Variants in SLC38A8 observed in about 807,000 individuals in gnomAD.
The protein encoded by SLC38A8 is solute carrier family 38 member 8, also known as amino acid transporter SLC38A8.
SLC38A8 carries 65 observed loss-of-function variants against 46.0 expected under a neutral mutation model. The ratio of observed to expected loss-of-function variants is 1.41; its 90% CI spans 1.16 to 1.74. SLC38A8 has a LOEUF of 1.74. SLC38A8 is among the 40% of genes most tolerant of loss of function. The probability of loss-of-function intolerance (pLI) is 0.00; values close to 1 mark genes in which losing one functional copy is unlikely to be tolerated. For synonymous variants in SLC38A8, 447 were observed against 243.7 expected (o/e 1.83, Z -7.77); for missense variants, 998 against 567.9 (o/e 1.76, Z -7.70).
chr16:84,037,015 T>C, intron 2 of SLC38A8, 115 bp from the exon 3 acceptor site: 1 of 1,085,294 alleles, frequency 9.2e-7, no homozygotes, highest in Non-Finnish European at 1.3e-6. Context: ...AGGCCAGGGC[T>C]GCTGCCAACA....
At position 84,012,963 on chromosome 16, in the gene SLC38A8, G is replaced by A. The variant is rs765043988; in HGVS notation, c.1214+38C>T. ...TGAAACATTCTTACTCTGATCCGGG[G>A]CACACCCAGGGTGCCACCTCATCTT... On this transcript the variant is annotated intron_variant, in intron 10 of 10. Coordinates refer to ENST00000299709, the MANE Select transcript of SLC38A8 (RefSeq NM_001080442.3). 35 of 1,608,994 alleles carry A rather than the reference G, an allele frequency of 2.2e-5. No individual in the cohort carries two copies. In the South Asian group the frequency reaches 2.2e-4, roughly 10 times the overall value.
intron 9 of SLC38A8, among the ~76,000 whole-genome samples, chr16:84,013,590 C>T (rs1019503481): frequency 1.3e-5 from 2 of 151,746 alleles, no homozygotes; most frequent in Admixed American, 1.3e-4. Context: ...GCCACCACAC[C>T]CCGCTCATTT....
chr16:84,011,867 G>A (rs1056254459), intron 10 of SLC38A8, among the ~76,000 whole-genome samples: 2 of 152,166 alleles, frequency 1.3e-5, no homozygotes, highest in Non-Finnish European at 2.9e-5. Flanking sequence ...CGGAGCAACA[G>A]AGCAAGACTC....
chr16:84,012,717 G>A (rs1278165435), intron 10 of SLC38A8, among the ~76,000 whole-genome samples: 1 of 152,206 alleles, frequency 6.6e-6, no homozygotes, highest in African/African-American at 2.4e-5. Flanking sequence ...GGGTACAGAT[G>A]CACCACTGGG....
At chr16:84,030,547 C>T (rs74641579) in intron 5 of SLC38A8, among the ~76,000 whole-genome samples, 2,150 of 152,126 alleles carry the variant, frequency 0.014, 16 homozygotes, top group South Asian at 0.025. Flanking sequence ...GTCTCCAGGT[C>T]GGCTCTACCT....
chr16:84,032,929 CGTGGGTGTGCATGG>C (rs920564939), intron 4 of SLC38A8, among the ~76,000 whole-genome samples: 34 of 41,926 alleles, frequency 8.1e-4, no homozygotes, highest in Non-Finnish European at 1.3e-3. Context: ...GGTGTGGGTA[CGTGGGTGTGCATGG>C]GTGGGTGTGG....
chr16:84,021,927 G>C (rs1046544655), intron 7 of SLC38A8, among the ~76,000 whole-genome samples: 2 of 152,200 alleles, frequency 1.3e-5, no homozygotes, highest in Non-Finnish European at 2.9e-5. Flanking sequence ...CTGAGTGTGT[G>C]AGCCCAGGTC....
chr16:84,029,639 G>T lies in SLC38A8; in HGVS notation c.633-88C>A. 4 of 1,318,436 alleles carry T rather than the reference G, an allele frequency of 3.0e-6. No individual in the cohort carries two copies. The South Asian group carries it at 4.9e-5, about 16-fold the overall frequency. The allele number at this position is 1,318,436 out of a possible 1,614,324, so 81.7% of individuals were successfully genotyped here. ...GCAATGGTGAATTTTAAAGGATGCTGGGAAAATGTAACAGAGCATGGCTGC... is the reference window on the plus strand; with the variant it reads ...GCAATGGTGAATTTTAAAGGATGCTTGGAAAATGTAACAGAGCATGGCTGC... On this transcript the variant is annotated intron_variant, in intron 5 of 10. Coordinates refer to ENST00000299709, the MANE Select transcript of SLC38A8 (RefSeq NM_001080442.3).
Position 84,016,510 on chromosome 16 carries a change from G to A in SLC38A8, c.1162+9C>T. 1 of 1,612,252 alleles carries A rather than the reference G, an allele frequency of 6.2e-7. No individual in the cohort carries two copies. The highest frequency in any genetic ancestry group is 8.5e-7 in the Non-Finnish European group (1 of 1,178,598). On this transcript the variant is annotated intron_variant, in intron 9 of 10. Transcript: ENST00000299709. ...AGTGGGCAGAAAGCCTGGAAAGCAG[G>A]GGCCTCACCTGGGAAGATGAAGATG...
Position 84,016,649 on chromosome 16 carries a change from C to T in SLC38A8, c.1032G>A (p.Leu344=). The T allele has an allele frequency of 6.2e-7, 1 of 1,613,882 alleles. No homozygotes were observed. The highest frequency in any genetic ancestry group is 1.7e-4 in the Middle Eastern group (1 of 6,056). Residue 344 remains leucine, a synonymous_variant, in exon 9 of 11, where the codon CTG becomes CTA. Transcript: ENST00000299709. ...GGATGGTCAGCGGCATCCGGACCCA[C>T]AGCCCTGAGGGGTCGGCCAGGGCGC... The part of the protein sequence containing the change: ...GPSALADPSG[L]WVRMPLTILW...
rs745852409 is a variant in SLC38A8 at position 84,009,768 on chromosome 16, C to T, written c.*16G>A. 6 of 1,610,536 alleles carry T rather than the reference C, an allele frequency of 3.7e-6. No homozygotes were observed. Among genetic ancestry groups the T allele is most frequent in the African/African-American group, 1.3e-5 (1 of 74,858 alleles). On this transcript the variant is annotated 3_prime_UTR_variant, in exon 11 of 11. Transcript: ENST00000299709. ...AGCCCCCGGAGGGCCCCTTCCTGCC[C>T]GGCACTAGCTGCCCATCAGAACATC... is the stretch of plus-strand genomic sequence containing the variant.
rs985058782 is a variant in SLC38A8, at chr16:84,039,661, T to C, written c.189+2308A>G. ...CTTGGGAGGAGGCTGGGCAGGAGAA[T>C]CGCTTGAACCAGGGAGGCGGAGGTT... On this transcript the variant is annotated intron_variant, in intron 2 of 10. Transcript: ENST00000299709. Among the ~76,000 whole-genome samples the C allele has an allele frequency of 1.4e-5, 2 of 145,408 alleles. 1 individual carries two copies. Among genetic ancestry groups the C allele is most frequent in the South Asian group, 4.3e-4 (2 of 4,600 alleles).
chr16:84,041,943 C>G (rs1371906137), intron 2 of SLC38A8, 26 bp downstream of exon 2: 1 of 1,552,438 alleles, frequency 6.4e-7, no homozygotes, highest in Non-Finnish European at 8.7e-7. Context: ...GTACCCGTCC[C>G]CAGGACTCAC....
intron 7 of SLC38A8, among the ~76,000 whole-genome samples, chr16:84,019,805 G>T (rs747756404): frequency 6.6e-6 from 1 of 152,204 alleles, no homozygotes; most frequent in Non-Finnish European, 1.5e-5. Context: ...AGAGACTAAG[G>T]CCAAAGGAAA....
At chr16:84,041,822 C>T in intron 2 of SLC38A8, 147 bp downstream of exon 2, 1 of 730,356 alleles carries the variant, frequency 1.4e-6, no homozygotes, top group East Asian at 2.7e-5. Context: ...ATCTTCTCCC[C>T]TCATTAGCTG....
intron 6 of SLC38A8, among the ~76,000 whole-genome samples, chr16:84,026,952 T>C (rs1221925537): frequency 6.6e-6 from 1 of 152,164 alleles, no homozygotes; most frequent in African/African-American, 2.4e-5. Context: ...TTGACTGTGG[T>C]GATGGTTGCA....
At chr16:84,012,550 G>A (rs1004756590) in intron 10 of SLC38A8, among the ~76,000 whole-genome samples, 6 of 152,208 alleles carry the variant, frequency 3.9e-5, no homozygotes, top group Non-Finnish European at 1.5e-5. Flanking sequence ...GGTATGGTGG[G>A]GAGGTGAACA....
rs558750986 is a variant in SLC38A8, at chr16:84,034,957, G to A, written c.389-1488C>T. Among the ~76,000 whole-genome samples, 10 of 152,128 alleles carry A rather than the reference G, an allele frequency of 6.6e-5. 1 individual carries two copies. In the South Asian group the frequency reaches 2.1e-3, roughly 32 times the overall value. ...AAAGACATGGTCAATTGTACCTCGT[G>A]CCATGACTCCCCCAAGCACTCCAAC... On this transcript the variant is annotated intron_variant, in intron 3 of 10. Transcript: ENST00000299709.
chr16:84,024,894 T>C (rs150832828), intron 6 of SLC38A8, among the ~76,000 whole-genome samples: 7,846 of 152,242 alleles, frequency 0.052, 314 homozygotes, highest in Non-Finnish European at 0.073. Context: ...TTGTCCAGGC[T>C]GGTCTCATAC....
Sources: allele counts gnomAD v4.1 joint callset (sites outside exome capture counted in the v4.1 genomes callset), GRCh38; gene constraint gnomAD v4.1.1; transcripts MANE v1.5; gene names NCBI Gene and HGNC (gene_info 2026-07-23, HGNC 2026-07-21).